MPPED1: variants seen among roughly 807,000 people sequenced by gnomAD.
MPPED1 encodes metallophosphoesterase domain-containing protein 1.
In MPPED1, 16 loss-of-function variants were observed where a neutral mutation model predicts 36.2. The observed-to-expected ratio is 0.44, with a 90% CI of 0.30 to 0.67. MPPED1 has a LOEUF of 0.67. Ranked by LOEUF, MPPED1 falls within the 30% of genes least tolerant of loss-of-function variation. The pLI is 0.10. For synonymous variants in MPPED1, 199 were observed against 191.3 expected, an observed-to-expected ratio of 1.04 and a Z score of -0.33; for missense variants, 307 against 453.4, an observed-to-expected ratio of 0.68 and a Z score of 2.93.
At chr22:43,416,904 G>A in intron 1 of MPPED1, 1 of 823,930 alleles carries the variant, frequency 1.2e-6, no homozygotes, top group East Asian at 1.2e-4. Flanking sequence ...CTGTGCAATG[G>A]GAATGGAGAA....
At chr22:43,454,430 G>T (rs1365242056) in intron 3 of MPPED1, among the ~76,000 whole-genome samples, 1 of 152,096 alleles carries the variant, frequency 6.6e-6, no homozygotes, top group Non-Finnish European at 1.5e-5. Flanking sequence ...TCAGCCTCCT[G>T]AGTAGCTGGG....
intron 4 of MPPED1, among the ~76,000 whole-genome samples, chr22:43,496,447 GGT>G (rs1932365910): frequency 1.1e-5 from 1 of 88,498 alleles, no homozygotes; most frequent in Admixed American, 1.1e-4. Context: ...TGGTGGTGGA[GGT>G]AGTGGTGGTG....
intron 3 of MPPED1, among the ~76,000 whole-genome samples, chr22:43,468,261 G>C (rs913700511): frequency 1.3e-5 from 2 of 152,244 alleles, no homozygotes; most frequent in African/African-American, 4.8e-5. Context: ...TGTTTTCATG[G>C]AGAATACAAA....
At chr22:43,438,166 C>T (rs573343707) in intron 3 of MPPED1, among the ~76,000 whole-genome samples, 5 of 152,120 alleles carry the variant, frequency 3.3e-5, no homozygotes, top group Non-Finnish European at 5.9e-5. Flanking sequence ...GAGGGCGGCA[C>T]GGGAGCCATT....
At chr22:43,486,459 C>T (rs1931915020) in intron 4 of MPPED1, among the ~76,000 whole-genome samples, 1 of 152,114 alleles carries the variant, frequency 6.6e-6, no homozygotes, top group Non-Finnish European at 1.5e-5. Context: ...GGACCTGGAC[C>T]TGGACAGGCT....
chr22:43,460,352 C>T (rs1930915345), intron 3 of MPPED1, among the ~76,000 whole-genome samples: 1 of 135,048 alleles, frequency 7.4e-6, no homozygotes, highest in African/African-American at 2.7e-5. Context: ...GAGACAGGGT[C>T]TCACTCTGTC....
At chr22:43,447,886 T>A (rs12162772) in intron 3 of MPPED1, among the ~76,000 whole-genome samples, 6,116 of 108,708 alleles carry the variant, frequency 0.056, 194 homozygotes, top group East Asian at 0.12. Flanking sequence ...TATATATATT[T>A]TTTTTTTTTT....
chr22:43,432,541 GAGAA>G (rs1236630206), intron 2 of MPPED1, among the ~76,000 whole-genome samples: 3 of 129,932 alleles, frequency 2.3e-5, no homozygotes, highest in African/African-American at 6.1e-5. Context: ...AAAGGGAGGA[GAGAA>G]AGAAAGGGAG....
chr22:43,445,559 T>TG (rs1347828400), intron 3 of MPPED1, among the ~76,000 whole-genome samples: 2,442 of 51,866 alleles, frequency 0.047, 83 homozygotes, highest in South Asian at 0.12. Context: ...TGATGTTTCC[T>TG]TTTTTTTTTT....
chr22:43,500,552 C>CCCCTCTGTGA (rs1339292086), intron 5 of MPPED1, among the ~76,000 whole-genome samples: 3 of 151,816 alleles, frequency 2.0e-5, no homozygotes, highest in Admixed American at 6.6e-5. Flanking sequence ...TGCCATGCCA[C>CCCCTCTGTGA]CCCTCTGTGA....
At chr22:43,500,266 T>C (rs1403137378) in intron 5 of MPPED1, among the ~76,000 whole-genome samples, 1 of 130,470 alleles carries the variant, frequency 7.7e-6, no homozygotes, top group Non-Finnish European at 1.6e-5. Flanking sequence ...GTGGTGATGG[T>C]GATGGAGGTG....
At chr22:43,412,302 G>C (rs1601938805) in intron 1 of MPPED1, 144 bp downstream of exon 1, 2 of 504,436 alleles carry the variant, frequency 4.0e-6, no homozygotes, top group Non-Finnish European at 5.1e-6. Context: ...CCTTTGCCGG[G>C]TGCGGGAAGC....
chr22:43,459,719 C>T (rs1022933940), intron 3 of MPPED1, among the ~76,000 whole-genome samples: 2 of 152,238 alleles, frequency 1.3e-5, no homozygotes, highest in Non-Finnish European at 2.9e-5. Context: ...GTGAACACAT[C>T]ATTCTCATAA....
intron 6 of MPPED1, among the ~76,000 whole-genome samples, chr22:43,505,223 A>G (rs1242985755): frequency 2.0e-5 from 3 of 152,082 alleles, no homozygotes; most frequent in Non-Finnish European, 2.9e-5. Context: ...GATGATGTCG[A>G]TGATGATGAC....
At chr22:43,434,430 A>C (rs983219090) in intron 2 of MPPED1, among the ~76,000 whole-genome samples, 5 of 152,146 alleles carry the variant, frequency 3.3e-5, no homozygotes, top group African/African-American at 1.2e-4. Flanking sequence ...CAGCCCGGGC[A>C]GTTGTCCTCA....
At chr22:43,416,880 T>C (rs1196210519) in intron 1 of MPPED1, 1 of 527,474 alleles carries the variant, frequency 1.9e-6, no homozygotes, top group African/African-American at 2.1e-5. Context: ...TTTCTTTGCG[T>C]CTCGGGGCTC....
chr22:43,443,568 A>G lies in MPPED1; in HGVS notation c.406+8353A>G, dbSNP rs1025653901. Among the ~76,000 whole-genome samples the G allele has an allele frequency of 7.2e-5, 11 of 152,102 alleles. No homozygotes were observed. The East Asian group carries it at 1.9e-3, about 27-fold the overall frequency. On this transcript the variant is annotated intron_variant, in intron 3 of 6. Transcript: ENST00000443721. ...GCGAGGGAGATGGCTGACCTGGTATACTTAGGGCCTGGCAGCCTGGCATGA... is the reference window on the plus strand; with the variant it reads ...GCGAGGGAGATGGCTGACCTGGTATGCTTAGGGCCTGGCAGCCTGGCATGA...
chr22:43,471,306 C>T (rs572287784), intron 3 of MPPED1, among the ~76,000 whole-genome samples: 27 of 152,266 alleles, frequency 1.8e-4, no homozygotes, highest in Admixed American at 3.9e-4. Context: ...CCGAAGGCAG[C>T]GATGGTGGCC....
chr22:43,425,253 C>G, intron 2 of MPPED1, 44 bp downstream of exon 2: 1 of 1,511,062 alleles, frequency 6.6e-7, no homozygotes, highest in Non-Finnish European at 8.9e-7. Flanking sequence ...GTGACGGCCC[C>G]CTGGGGTGGG....
Sources: allele counts gnomAD v4.1 joint callset (sites outside exome capture counted in the v4.1 genomes callset), GRCh38; gene constraint gnomAD v4.1.1; transcripts MANE v1.5; gene names NCBI Gene and HGNC (gene_info 2026-07-23, HGNC 2026-07-21).